The following CHCHD3 variants were observed in gnomAD, a reference collection of about 807,000 sequenced individuals.
The protein encoded by CHCHD3 is MICOS complex subunit MIC19.
A neutral mutation model predicts 38.2 loss-of-function variants in CHCHD3; 20 were observed. The ratio of observed to expected loss-of-function variants is 0.52; its 90% CI spans 0.37 to 0.76. The LOEUF is 0.76. CHCHD3 is among the 30% of genes least tolerant of loss of function. CHCHD3 has a pLI of 0.00. For missense variants in CHCHD3, 245 were observed against 279.2 expected (o/e 0.88, Z 0.87); for synonymous variants, 82 against 100.0 (o/e 0.82, Z 1.07).
chr7:132,968,852 T>G (rs988031379), intron 4 of CHCHD3, among the ~76,000 whole-genome samples: 1 of 152,222 alleles, frequency 6.6e-6, no homozygotes, highest in African/African-American at 2.4e-5. Flanking sequence ...GGATAGAACC[T>G]CACTTGGACA....
intron 3 of CHCHD3, among the ~76,000 whole-genome samples, chr7:132,988,077 A>AAATTAGTGTTCTTTCTATCTG (rs1308745333): frequency 6.6e-6 from 1 of 152,234 alleles, no homozygotes; most frequent in Non-Finnish European, 1.5e-5. Context: ...TCCGGTCAAT[A>AAATTAGTGTTCTTTCTATCTG]GATGACTATT....
chr7:132,875,147 T>G (rs1808864764), intron 5 of CHCHD3, among the ~76,000 whole-genome samples: 1 of 152,092 alleles, frequency 6.6e-6, no homozygotes, highest in Non-Finnish European at 1.5e-5. Flanking sequence ...CAATTCCATG[T>G]TTTGGGTATA....
chr7:133,069,196 TA>T (rs969878348), intron 2 of CHCHD3, among the ~76,000 whole-genome samples: 1 of 149,796 alleles, frequency 6.7e-6, no homozygotes, highest in African/African-American at 2.5e-5. Flanking sequence ...ACTCTCCTAC[TA>T]AACAAGAAGC....
intron 6 of CHCHD3, among the ~76,000 whole-genome samples, chr7:132,824,314 CTTTTTTTTTT>C (rs57262694): frequency 5.6e-5 from 5 of 90,090 alleles, no homozygotes; most frequent in Non-Finnish European, 1.0e-4. Flanking sequence ...TAGTAGAACT[CTTTTTTTTTT>C]TTTTTTTTTT....
At chr7:132,801,418 C>T (rs1806790009) in intron 6 of CHCHD3, among the ~76,000 whole-genome samples, 1 of 152,278 alleles carries the variant, frequency 6.6e-6, no homozygotes, top group Admixed American at 6.5e-5. Flanking sequence ...TTCAGAAGTC[C>T]CTCTCTAAAG....
chr7:132,934,905 C>T (rs1046230353), intron 4 of CHCHD3, among the ~76,000 whole-genome samples: 1 of 152,106 alleles, frequency 6.6e-6, no homozygotes, highest in African/African-American at 2.4e-5. Flanking sequence ...CTATCTCCCG[C>T]ACAATATGGA....
At chr7:132,968,931 T>C (rs549095888) in intron 4 of CHCHD3, among the ~76,000 whole-genome samples, 1 of 152,320 alleles carries the variant, frequency 6.6e-6, no homozygotes, top group South Asian at 2.1e-4. Flanking sequence ...CAAAACCGTT[T>C]TCTTTTTTAC....
intron 5 of CHCHD3, among the ~76,000 whole-genome samples, chr7:132,851,730 G>A (rs1009365710): frequency 6.6e-6 from 1 of 152,218 alleles, no homozygotes; most frequent in Non-Finnish European, 1.5e-5. Context: ...CTCAAGGGCT[G>A]TGTGATGTGA....
At chr7:132,889,666 T>C (rs1809312035) in intron 4 of CHCHD3, among the ~76,000 whole-genome samples, 1 of 152,166 alleles carries the variant, frequency 6.6e-6, no homozygotes, top group Non-Finnish European at 1.5e-5. Context: ...TGAGATCCAC[T>C]GGGAAGAATA....
intron 7 of CHCHD3, among the ~76,000 whole-genome samples, chr7:132,792,518 G>A (rs760168236): frequency 2.6e-5 from 4 of 152,172 alleles, no homozygotes; most frequent in Non-Finnish European, 4.4e-5. Context: ...TTGAGTGAAC[G>A]TTTAAGGTGG....
chr7:132,790,184 G>C (rs1270883707), intron 7 of CHCHD3, among the ~76,000 whole-genome samples: 1 of 152,082 alleles, frequency 6.6e-6, no homozygotes, highest in East Asian at 1.9e-4. Context: ...TTTTCTGCCT[G>C]GATCTTGTTT....
chr7:132,799,028 T>C (rs1806697260), intron 6 of CHCHD3, among the ~76,000 whole-genome samples: 1 of 151,302 alleles, frequency 6.6e-6, no homozygotes, highest in South Asian at 2.1e-4. Flanking sequence ...TGTGTGTGTG[T>C]GTGTGTGTGT....
At chr7:132,819,566 G>A (rs141427155) in intron 6 of CHCHD3, among the ~76,000 whole-genome samples, 1 of 152,320 alleles carries the variant, frequency 6.6e-6, no homozygotes, top group African/African-American at 2.4e-5. Context: ...CTCCCATCAA[G>A]CTGGCTCAGA....
intron 2 of CHCHD3, among the ~76,000 whole-genome samples, chr7:133,066,380 G>C (rs1037561375): frequency 1.8e-4 from 27 of 151,930 alleles, no homozygotes; most frequent in Admixed American, 1.8e-3. Flanking sequence ...TCAGTATCCT[G>C]AGTAGCTGGG....
At chr7:132,927,940 C>CA (rs137999712) in intron 4 of CHCHD3, among the ~76,000 whole-genome samples, 3,324 of 152,054 alleles carry the variant, frequency 0.022, 86 homozygotes, top group South Asian at 0.12. Flanking sequence ...TTTATTCATA[C>CA]AAAAAAAATT....
At chr7:133,015,225 C>T (rs1450909600) in intron 3 of CHCHD3, among the ~76,000 whole-genome samples, 1 of 152,012 alleles carries the variant, frequency 6.6e-6, no homozygotes, top group Non-Finnish European at 1.5e-5. Flanking sequence ...CACCTGTAAT[C>T]CCAGCTACTT....
intron 2 of CHCHD3, among the ~76,000 whole-genome samples, chr7:133,049,238 G>A (rs757241164): frequency 2.0e-5 from 3 of 151,988 alleles, no homozygotes; most frequent in East Asian, 1.9e-4. Context: ...AAAACACAAG[G>A]ACAATCTGTT....
At chr7:132,860,049 T>G (rs914133478) in intron 5 of CHCHD3, among the ~76,000 whole-genome samples, 2 of 152,114 alleles carry the variant, frequency 1.3e-5, no homozygotes, top group African/African-American at 4.8e-5. Context: ...GTGAGGCAGA[T>G]TGCTTGGGCC....
At chr7:133,053,990 G>A (rs114390691) in intron 2 of CHCHD3, among the ~76,000 whole-genome samples, 1,829 of 152,300 alleles carry the variant, frequency 0.012, 32 homozygotes, top group African/African-American at 0.041. Context: ...CTAAGGGCAT[G>A]TTTTATTAAT....
Sources: allele counts gnomAD v4.1 joint callset (sites outside exome capture counted in the v4.1 genomes callset), GRCh38; gene constraint gnomAD v4.1.1; transcripts MANE v1.5; gene names NCBI Gene and HGNC (gene_info 2026-07-23, HGNC 2026-07-21).